Variants in SHC2 observed in about 807,000 individuals in gnomAD.
SHC2 encodes the protein SHC-transforming protein 2.
A neutral mutation model predicts 60.6 loss-of-function variants in SHC2; 62 were observed. That is an observed-to-expected ratio of 1.02 (90% CI 0.83 to 1.26). The LOEUF is 1.26. SHC2 is among the 50% of genes most tolerant of loss of function. The pLI is 0.00. For synonymous variants in SHC2, 375 were observed against 372.4 expected, an observed-to-expected ratio of 1.01 and a Z score of -0.08; for missense variants, 873 against 822.2, an observed-to-expected ratio of 1.06 and a Z score of -0.76.
rs1381838402 is a variant in SHC2, at chr19:436,626, T to C, written c.774+4A>G. ...TGCAGGTCCACCCCCATCCCTGGCC[T>C]CACCGTGTCTCCGCCTGACGCGAAG... On this transcript the variant is annotated splice_donor_region_variant and intron_variant, in intron 5 of 12. Coordinates refer to ENST00000264554, the MANE Select transcript of SHC2 (RefSeq NM_012435.3). The C allele has an allele frequency of 1.9e-6, 3 of 1,604,478 alleles. No homozygotes were observed. Among genetic ancestry groups the C allele is most frequent in the Non-Finnish European group, 2.5e-6 (3 of 1,177,896 alleles).
chr19:419,237 G>A, intron 11 of SHC2, 181 bp from the exon 12 acceptor site: 5 of 665,660 alleles, frequency 7.5e-6, no homozygotes, highest in Middle Eastern at 4.4e-4. Flanking sequence ...AACCACCCAT[G>A]GGCACGGGCT....
In SHC2 at chr19:422,941, C is replaced by G. The variant is rs1435862863; in HGVS notation, c.1310-485G>C. 1.8e-5 allele frequency: 3 copies of G among 162,866 alleles called. No individual in the cohort carries two copies. Among genetic ancestry groups the G allele is most frequent in the Non-Finnish European group, 4.0e-5 (3 of 74,920 alleles). 10.1% of individuals were successfully genotyped at this position (162,866 alleles called of 1,614,324 possible). A position where few individuals can be genotyped will look rare whatever the true frequency, so the allele number is the denominator to read the frequency against. On this transcript the variant is annotated intron_variant, in intron 10 of 12. Transcript: ENST00000264554. The surrounding 1 kb of genome is among the most constrained non-coding windows in gnomAD (Gnocchi z 5.0). ...GGCTTCCAACAATGCCAACATCCGACAGGCCACTCTAAGGCTCTCCTCTGA... is the reference window on the plus strand; with the variant it reads ...GGCTTCCAACAATGCCAACATCCGAGAGGCCACTCTAAGGCTCTCCTCTGA...
chr19:421,397 CAAAAA>C (rs10582067), intron 11 of SHC2, among the ~76,000 whole-genome samples: 1 of 120,132 alleles, frequency 8.3e-6, no homozygotes, highest in Admixed American at 8.5e-5. Flanking sequence ...GAGACTCCAT[CAAAAA>C]AAAAAAAAAA....
intron 7 of SHC2, among the ~76,000 whole-genome samples, chr19:435,405 C>T (rs879771023): frequency 2.6e-5 from 4 of 152,224 alleles, no homozygotes; most frequent in East Asian, 3.9e-4. Context: ...GCGAGGAGCC[C>T]GTCTCAGCTT....
At position 460,633 on chromosome 19, in the gene SHC2, C is replaced by A; in HGVS notation, c.364G>T (p.Ala122Ser). Residue 122 changes from alanine to serine, a missense_variant, in exon 1 of 13, where the codon GCC becomes TCC. Ala to Ser is a moderately conservative substitution (Grantham distance 99, BLOSUM62 1). Transcript: ENST00000264554. Reference sequence around the variant, plus strand: ...CTGCCCTTCCGGATCCACTCGGCGGCGGCGGCGGCGTCCCCGGACCCCGCC... The same window carrying A: ...CTGCCCTTCCGGATCCACTCGGCGGAGGCGGCGGCGTCCCCGGACCCCGCC... ...GAAGSGDAAA[A>S]AEWIRKGSFI... The A allele has an allele frequency of 7.7e-7, 1 of 1,303,464 alleles. No homozygotes were observed. The allele number at this position is 1,303,464 out of a possible 1,614,324, so 80.7% of individuals were successfully genotyped here.
rs1237041241 is a variant in SHC2, at chr19:445,212, C to T, written c.469-4280G>A. On this transcript the variant is annotated intron_variant, in intron 1 of 12. Coordinates refer to ENST00000264554, the MANE Select transcript of SHC2 (RefSeq NM_012435.3). This position sits in a 1 kb window ranked among gnomAD's most constrained non-coding sequence, Gnocchi z 4.4. ...CAAAATCCCTCTGTGGAAACCTATG[C>T]CCCACTGTGAGGGTATTTAAAGGTG... is the stretch of plus-strand genomic sequence containing the variant. Among the ~76,000 whole-genome samples the T allele has an allele frequency of 6.6e-6, 1 of 152,162 alleles. No individual in the cohort carries two copies. Among genetic ancestry groups the T allele is most frequent in the Non-Finnish European group, 1.5e-5 (1 of 68,030 alleles).
At chr19:437,550 C>T (rs765827150) in intron 4 of SHC2, among the ~76,000 whole-genome samples, 4 of 152,118 alleles carry the variant, frequency 2.6e-5, no homozygotes, top group South Asian at 2.1e-4. Context: ...TTGCCAACCC[C>T]GGCCCAGCCA....
At chr19:458,083 G>A in intron 1 of SHC2, among the ~76,000 whole-genome samples, 1 of 137,680 alleles carries the variant, frequency 7.3e-6, no homozygotes, top group African/African-American at 2.5e-5. Context: ...CGGGTCTTGG[G>A]GAGGCGGAAG....
rs1974840520 is a variant in SHC2 at position 440,634 on chromosome 19, G to A, written c.539+228C>T. 6.6e-6 allele frequency among the ~76,000 whole-genome samples: 1 copy of A among 152,232 alleles called. No homozygotes were observed. Among genetic ancestry groups the A allele is most frequent in the East Asian group, 1.9e-4 (1 of 5,190 alleles). ...CCAGCACCCTGTGAGCGACCGGCGT[G>A]TTCTTTCCATCTTAGAGGATCGAGG... On this transcript the variant is annotated intron_variant, in intron 2 of 12. Transcript: ENST00000264554. The surrounding 1 kb of genome is among the most constrained non-coding windows in gnomAD (Gnocchi z 7.0).
intron 1 of SHC2, among the ~76,000 whole-genome samples, chr19:455,908 C>A (rs1354148395): frequency 6.6e-6 from 1 of 152,104 alleles, no homozygotes; most frequent in Non-Finnish European, 1.5e-5. Context: ...TCGGTCCCAC[C>A]TGCAGGTCCC....
chr19:451,023 A>C (rs1326024613), intron 1 of SHC2, among the ~76,000 whole-genome samples: 2 of 143,380 alleles, frequency 1.4e-5, no homozygotes, highest in African/African-American at 2.6e-5. Flanking sequence ...CAGCGTGTGG[A>C]TGGCCACGCC....
rs1411626679 is a variant in SHC2, at chr19:424,219, C to T, written c.1309+878G>A. Among the ~76,000 whole-genome samples, 1 of 152,186 alleles carries T rather than the reference C, an allele frequency of 6.6e-6. No individual in the cohort carries two copies. Among genetic ancestry groups the T allele is most frequent in the Non-Finnish European group, 1.5e-5 (1 of 68,036 alleles). ...TCTGGACACCTCAGCCAAGGAAGGA[C>T]AAGCCTCCTCCGCCCGGCTGGGGGC... On this transcript the variant is annotated intron_variant, in intron 10 of 12. Coordinates refer to ENST00000264554, the MANE Select transcript of SHC2 (RefSeq NM_012435.3). This position sits in a 1 kb window ranked among gnomAD's most constrained non-coding sequence, Gnocchi z 4.5.
chr19:453,484 C>G lies in SHC2; in HGVS notation c.468+7045G>C, dbSNP rs1975251039. On this transcript the variant is annotated intron_variant, in intron 1 of 12. Coordinates refer to ENST00000264554, the MANE Select transcript of SHC2 (RefSeq NM_012435.3). This position sits in a 1 kb window ranked among gnomAD's most constrained non-coding sequence, Gnocchi z 6.3. ...ACAGGGTTTCACCAAGCTGCCCAGG[C>G]TGGTCTCAAACTCCTGGGCTCAAGT... Among the ~76,000 whole-genome samples the G allele has an allele frequency of 6.6e-6, 1 of 152,130 alleles. No homozygotes were observed. Among genetic ancestry groups the G allele is most frequent in the African/African-American group, 2.4e-5 (1 of 41,418 alleles).
At chr19:447,536 T>G (rs923152738) in intron 1 of SHC2, among the ~76,000 whole-genome samples, 1 of 152,204 alleles carries the variant, frequency 6.6e-6, no homozygotes, top group Non-Finnish European at 1.5e-5. Flanking sequence ...CCCAGCACTT[T>G]GGGAGGCCGA....
At chr19:442,948 T>TAGATGAGTGGATGGGTGGAC (rs1974937274) in intron 1 of SHC2, among the ~76,000 whole-genome samples, 1 of 115,772 alleles carries the variant, frequency 8.6e-6, no homozygotes, top group Non-Finnish European at 1.7e-5. Context: ...GGTGGGTGAA[T>TAGATGAGTGGATGGGTGGAC]GGATGGATGG....
rs543182763 is a variant in SHC2, at chr19:424,943, C to T, written c.1309+154G>A. Among the ~76,000 whole-genome samples, 16 of 152,216 alleles carry T rather than the reference C, an allele frequency of 1.1e-4. No homozygotes were observed. In the East Asian group the frequency reaches 1.5e-3, roughly 15 times the overall value. ...CGACAGGAGACAGACTGGGCTTCCC[C>T]GTCCCACCCGTCGACTTGAAGGATC... is the stretch of plus-strand genomic sequence containing the variant. On this transcript the variant is annotated intron_variant, in intron 10 of 12. Coordinates refer to ENST00000264554, the MANE Select transcript of SHC2 (RefSeq NM_012435.3). This position sits in a 1 kb window ranked among gnomAD's most constrained non-coding sequence, Gnocchi z 4.5.
At position 436,207 on chromosome 19, in the gene SHC2, T is replaced by C. The variant is rs927968120; in HGVS notation, c.911A>G (p.Gln304Arg). 2 of 1,608,374 alleles carry C rather than the reference T, an allele frequency of 1.2e-6. No individual in the cohort carries two copies. Among genetic ancestry groups the C allele is most frequent in the African/African-American group, 2.7e-5 (2 of 74,890 alleles). Residue 304 changes from glutamine (Q) to arginine (R), a missense_variant, in exon 7 of 13, where the codon CAG (glutamine) becomes CGG (arginine). By Grantham distance (43) the Gln-to-Arg change is conservative. Coordinates refer to ENST00000264554, the MANE Select transcript of SHC2 (RefSeq NM_012435.3). ...CACCTTGGGCGGGCTGTGCAGGTAC[T>C]GCTTGAAGCGCAGCTCGAAAGCTTG... ...VGQAFELRFK[Q>R]YLHSPPKVAL...
chr19:425,219 T>TC lies in SHC2; in HGVS notation c.1186dup (p.Asp396GlyfsTer40). On this transcript the variant is annotated frameshift_variant, in exon 10 of 13. Transcript: ENST00000264554. LOFTEE classifies it high-confidence loss of function. The surrounding 1 kb of genome is among the most constrained non-coding windows in gnomAD (Gnocchi z 4.1). ...CCGGGCGTCCGCCTGCACGTAGCCG[T>TC]CCCCCGGTGGAGCTGGGGAGTGTAA... 1 of 1,333,426 alleles carries TC rather than the reference T, an allele frequency of 7.5e-7. No homozygotes were observed. The highest frequency in any genetic ancestry group is 9.7e-7 in the Non-Finnish European group (1 of 1,032,446). 82.6% of individuals were successfully genotyped at this position (1,333,426 alleles called of 1,614,324 possible). A position where few individuals can be genotyped will look rare whatever the true frequency, so the allele number is the denominator to read the frequency against.
intron 7 of SHC2, among the ~76,000 whole-genome samples, chr19:435,112 A>C (rs1974686280): frequency 6.6e-6 from 1 of 152,158 alleles, no homozygotes; most frequent in Non-Finnish European, 1.5e-5. Flanking sequence ...TGGCAAACCC[A>C]GTCTCCACTC....
Sources: allele counts gnomAD v4.1 joint callset (sites outside exome capture counted in the v4.1 genomes callset), GRCh38; gene constraint gnomAD v4.1.1; non-coding constraint Gnocchi (gnomAD v3.1); transcripts MANE v1.5; gene names NCBI Gene and HGNC (gene_info 2026-07-23, HGNC 2026-07-21).